The following PCDH15 variants were observed in gnomAD, a reference collection of about 807,000 sequenced individuals.
PCDH15 encodes the protein protocadherin-15.
PCDH15 carries 129 observed loss-of-function variants against 178.5 expected under a neutral mutation model. That is an observed-to-expected ratio of 0.72 (90% CI 0.63 to 0.84). The LOEUF (loss-of-function observed/expected upper bound fraction) is 0.84. Among genes scored for constraint, PCDH15 ranks in the 40% least tolerant of loss-of-function variants. The probability of loss-of-function intolerance (pLI) is 0.00; values close to 1 mark genes in which losing one functional copy is unlikely to be tolerated. For missense variants in PCDH15, 2,230 were observed against 2,099.9 expected, an observed-to-expected ratio of 1.06 and a Z score of -1.21; for synonymous variants, 800 against 732.0, an observed-to-expected ratio of 1.09 and a Z score of -1.50.
chr10:54,189,662 T>G (rs1291573087), intron 11 of PCDH15, among the ~76,000 whole-genome samples: 2 of 152,162 alleles, frequency 1.3e-5, no homozygotes, highest in Non-Finnish European at 2.9e-5. Flanking sequence ...CATGAAGTTA[T>G]AAATAAGTAT....
intron 1 of PCDH15, among the ~76,000 whole-genome samples, chr10:55,276,065 A>G (rs868693031): frequency 6.6e-6 from 1 of 151,146 alleles, no homozygotes; most frequent in Non-Finnish European, 1.5e-5. Flanking sequence ...TGGTTAGAAA[A>G]TGATTTTTAC....
At chr10:55,603,699 G>A (rs1165432065) in intron 2 of PCDH15, among the ~76,000 whole-genome samples, 3 of 149,568 alleles carry the variant, frequency 2.0e-5, no homozygotes, top group African/African-American at 7.4e-5. Flanking sequence ...AATGCTGAGA[G>A]ATTTTGTCAC....
intron 10 of PCDH15, among the ~76,000 whole-genome samples, chr10:54,198,533 G>A (rs1433578148): frequency 2.0e-5 from 1 of 50,372 alleles, no homozygotes; most frequent in East Asian, 5.8e-4. Flanking sequence ...ACAAAGTCTC[G>A]CTCTGTCGCC....
At chr10:55,285,137 C>CTT (rs200815242) in intron 1 of PCDH15, among the ~76,000 whole-genome samples, 2,089 of 140,180 alleles carry the variant, frequency 0.015, 36 homozygotes, top group African/African-American at 0.026. Context: ...ACCATATAAA[C>CTT]TTGTATTTAT....
chr10:54,403,849 TCA>T (rs886649155), intron 3 of PCDH15, among the ~76,000 whole-genome samples: 7 of 147,252 alleles, frequency 4.8e-5, no homozygotes, highest in African/African-American at 7.5e-5. Flanking sequence ...TGCCACACAC[TCA>T]CACACACACA....
chr10:54,878,335 G>A (rs1954192144), intron 3 of PCDH15, among the ~76,000 whole-genome samples: 1 of 152,140 alleles, frequency 6.6e-6, no homozygotes, highest in African/African-American at 2.4e-5. Context: ...TTACTATCTA[G>A]AAATACTTTG....
chr10:54,287,088 G>C (rs1433475357), intron 8 of PCDH15, among the ~76,000 whole-genome samples: 1 of 152,108 alleles, frequency 6.6e-6, no homozygotes, highest in African/African-American at 2.4e-5. Flanking sequence ...GATTTGATTT[G>C]CTTAAGACCT....
At chr10:54,370,802 GA>G (rs1947542655) in intron 4 of PCDH15, among the ~76,000 whole-genome samples, 2 of 151,858 alleles carry the variant, frequency 1.3e-5, no homozygotes, top group South Asian at 4.1e-4. Flanking sequence ...TTGTAAATGA[GA>G]AAAATGCTAC....
chr10:55,131,434 CCTT>C (rs1421880690), intron 2 of PCDH15, among the ~76,000 whole-genome samples: 4 of 152,202 alleles, frequency 2.6e-5, no homozygotes, highest in South Asian at 2.1e-4. Flanking sequence ...GCTCTTCTCT[CCTT>C]CTTGTCACCC....
chr10:55,363,541 A>G (rs1366837441), intron 2 of PCDH15, among the ~76,000 whole-genome samples: 1 of 152,186 alleles, frequency 6.6e-6, no homozygotes, highest in Admixed American at 6.5e-5. Flanking sequence ...TACATTTTCT[A>G]GTAACACAAT....
chr10:54,180,405 A>G (rs2047879212), intron 13 of PCDH15, among the ~76,000 whole-genome samples: 2 of 152,222 alleles, frequency 1.3e-5, no homozygotes, highest in African/African-American at 4.8e-5. Context: ...CACTCACATC[A>G]GGCTAAAAGA....
intron 2 of PCDH15, among the ~76,000 whole-genome samples, chr10:55,364,395 T>G (rs1251075612): frequency 6.6e-6 from 1 of 152,226 alleles, no homozygotes; most frequent in Non-Finnish European, 1.5e-5. Context: ...GTCAGCACTT[T>G]AAAAATGTCT....
rs867193927 is a variant in PCDH15 at position 55,062,145 on chromosome 10, G to A, written c.-80+104431C>T. On this transcript the variant is annotated intron_variant, in intron 2 of 5. Coordinates refer to the PCDH15 transcript ENST00000458638. ...ATTAAATCCTTACCCCAAGGTGATG[G>A]TATTAAAAGGTGGGGTTTTGGGAAG... Among the ~76,000 whole-genome samples the A allele has an allele frequency of 2.6e-5, 4 of 152,212 alleles. No individual in the cohort carries two copies. In the South Asian group the frequency reaches 8.3e-4, roughly 31 times the overall value.
intron 2 of PCDH15, among the ~76,000 whole-genome samples, chr10:55,453,881 T>C (rs1257140583): frequency 2.0e-5 from 3 of 152,336 alleles, no homozygotes; most frequent in Non-Finnish European, 4.4e-5. Context: ...GCTTCTGCTA[T>C]ATCTGGAGAA....
At chr10:54,035,378 A>C (rs1357043024) in intron 18 of PCDH15, among the ~76,000 whole-genome samples, 1 of 151,924 alleles carries the variant, frequency 6.6e-6, no homozygotes, top group Non-Finnish European at 1.5e-5. Context: ...TCTGAGGCAC[A>C]TTTTGGTAAT....
At chr10:55,103,471 T>C (rs992731160) in intron 2 of PCDH15, among the ~76,000 whole-genome samples, 1 of 152,162 alleles carries the variant, frequency 6.6e-6, no homozygotes, top group Non-Finnish European at 1.5e-5. Flanking sequence ...TTTTTTGTTA[T>C]ATCCACAATC....
intron 8 of PCDH15, among the ~76,000 whole-genome samples, chr10:54,267,745 G>A (rs754494992): frequency 6.6e-5 from 10 of 151,702 alleles, no homozygotes; most frequent in African/African-American, 1.7e-4. Context: ...TCTTTAAGTC[G>A]AACTACAAAA....
intron 32 of PCDH15, chr10:53,821,768 A>T (rs2076282355): frequency 1.1e-5 from 18 of 1,578,842 alleles, no homozygotes; most frequent in African/African-American, 1.4e-5. Context: ...GGGTAAAATA[A>T]TAGAGTCTTC....
In PCDH15 at chr10:55,443,425, A is replaced by T. The variant is rs528898313; in HGVS notation, c.-156+184200T>A. On this transcript the variant is annotated intron_variant, in intron 2 of 5. Transcript: ENST00000613346. ...CCAGAATCTACAAGGAACTTAAACA[A>T]ATTTACAAGAAAAAAAACCAAACAG... Among the ~76,000 whole-genome samples, 41 of 152,292 alleles carry T rather than the reference A, an allele frequency of 2.7e-4. 1 individual carries two copies. Among genetic ancestry groups the T allele is most frequent in the African/African-American group, 9.6e-4 (40 of 41,570 alleles).
Sources: gnomAD v4.1 joint callset for allele counts (sites outside exome capture counted in the v4.1 genomes callset) on GRCh38, gnomAD v4.1.1 for gene constraint, MANE v1.5 for transcripts, NCBI Gene and HGNC (gene_info 2026-07-23, HGNC 2026-07-21) for gene names.